ACTR3B: variants seen among roughly 807,000 people sequenced by gnomAD.
The protein encoded by ACTR3B is actin-related protein 3B.
Under a neutral mutation model 59.0 loss-of-function variants are expected in ACTR3B, and 8 were observed. The ratio of observed to expected loss-of-function variants is 0.14; its 90% CI spans 0.08 to 0.24. The LOEUF is 0.24. Ranked by LOEUF, ACTR3B falls within the 10% of genes least tolerant of loss-of-function variation. The pLI, the probability that ACTR3B is intolerant of heterozygous loss-of-function variation, is 1.00. For missense variants in ACTR3B, 245 were observed against 552.3 expected (o/e 0.44, Z 5.58); for synonymous variants, 148 against 197.9 (o/e 0.75, Z 2.12).
chr7:152,854,603 C>A lies in ACTR3B; in HGVS notation c.*50C>A, dbSNP rs558325298. The A allele has an allele frequency of 5.2e-5, 82 of 1,577,752 alleles. 1 individual carries two copies. In the South Asian group the frequency reaches 8.3e-4, roughly 16 times the overall value. Reference sequence around the variant, plus strand: ...TGGTGTCACGTTGGGGAACAAGTGTCCTTCAGAACCCAGAGAAGGCCGCCG... The same window carrying A: ...TGGTGTCACGTTGGGGAACAAGTGTACTTCAGAACCCAGAGAAGGCCGCCG... On this transcript the variant is annotated 3_prime_UTR_variant, in exon 12 of 12. Transcript: ENST00000256001. This position sits in a 1 kb window ranked among gnomAD's most constrained non-coding sequence, Gnocchi z 4.9.
At chr7:152,853,316 A>C (rs1180627672) in intron 10 of ACTR3B, among the ~76,000 whole-genome samples, 178 bp from the exon 11 acceptor site, 1 of 151,816 alleles carries the variant, frequency 6.6e-6, no homozygotes, top group Non-Finnish European at 1.5e-5. Context: ...GGATTCTGGT[A>C]GGTCTTAGGG....
chr7:152,816,249 G>A (rs1472891514), intron 5 of ACTR3B, among the ~76,000 whole-genome samples: 1 of 152,046 alleles, frequency 6.6e-6, no homozygotes, highest in Non-Finnish European at 1.5e-5. Context: ...AGTCAGCCAC[G>A]TTTCTTTATT....
chr7:152,853,431 G>C, intron 10 of ACTR3B, 63 bp from the exon 11 acceptor site: 1 of 1,505,864 alleles, frequency 6.6e-7, no homozygotes, highest in Non-Finnish European at 9.2e-7. Context: ...TCGTCAGCCG[G>C]GGGATGATTA....
chr7:152,780,196 C>G (rs895545035), intron 1 of ACTR3B, among the ~76,000 whole-genome samples: 13 of 151,888 alleles, frequency 8.6e-5, no homozygotes, highest in Admixed American at 7.2e-4. Flanking sequence ...ACTACAAATA[C>G]AAAAATTAGC....
chr7:152,798,006 G>A (rs2098223203), intron 2 of ACTR3B, among the ~76,000 whole-genome samples: 3 of 152,134 alleles, frequency 2.0e-5, no homozygotes, highest in South Asian at 4.1e-4. Context: ...TGGGAGTGCA[G>A]ATAGCTCTTT....
chr7:152,851,564 G>A (rs911579588), intron 9 of ACTR3B, among the ~76,000 whole-genome samples: 3 of 152,224 alleles, frequency 2.0e-5, no homozygotes, highest in Non-Finnish European at 2.9e-5. Flanking sequence ...CGGGACAGGC[G>A]AGTGCTTCCC....
chr7:152,780,329 C>G (rs6951234), intron 1 of ACTR3B, among the ~76,000 whole-genome samples: 106,775 of 143,994 alleles, frequency 0.74, 39,632 homozygotes, highest in East Asian at 0.87. Context: ...CTCTAGCCTG[C>G]TCGAAAGAGC....
rs573400192 is a variant in ACTR3B at position 152,854,666 on chromosome 7, C to T, written c.*113C>T. The stretch of plus-strand genomic sequence containing the variant: ...CGACGTCGGTGTTGCTGCCCAGCAG[C>T]GTGCTTGCATTGCCGGTGCATGAGG... On this transcript the variant is annotated 3_prime_UTR_variant, in exon 12 of 12. Transcript: ENST00000256001. The surrounding 1 kb of genome is among the most constrained non-coding windows in gnomAD (Gnocchi z 4.9). 1.3e-5 allele frequency: 15 copies of T among 1,153,422 alleles called. No individual in the cohort carries two copies. The highest frequency in any genetic ancestry group is 7.5e-5 in the East Asian group (3 of 40,218). The allele number at this position is 1,153,422 out of a possible 1,614,324, so 71.4% of individuals were successfully genotyped here. A position where few individuals can be genotyped will look rare whatever the true frequency, so the allele number is the denominator to read the frequency against.
chr7:152,785,040 TA>T (rs1248235968), intron 2 of ACTR3B, among the ~76,000 whole-genome samples: 6 of 152,074 alleles, frequency 3.9e-5, no homozygotes, highest in Admixed American at 6.6e-5. Flanking sequence ...GCTGAGTTGA[TA>T]AATTGAACTC....
At chr7:152,849,899 A>G (rs1411788959) in intron 9 of ACTR3B, among the ~76,000 whole-genome samples, 1 of 152,224 alleles carries the variant, frequency 6.6e-6, no homozygotes, top group Non-Finnish European at 1.5e-5. Flanking sequence ...GAAAGGCCAG[A>G]TCCCTGGTGG....
At chr7:152,763,313 CAAAAAAAAAAAAAAAA>C (rs925259822) in intron 1 of ACTR3B, among the ~76,000 whole-genome samples, 1 of 20,492 alleles carries the variant, frequency 4.9e-5, no homozygotes, top group Non-Finnish European at 1.0e-4. Flanking sequence ...GACTCCATCT[CAAAAAAAAAAAAAAAA>C]AAAAAAAAAA....
chr7:152,777,905 G>C (rs1159786751), intron 1 of ACTR3B, among the ~76,000 whole-genome samples: 3 of 151,288 alleles, frequency 2.0e-5, no homozygotes, highest in African/African-American at 7.3e-5. Context: ...AGCTGAGATT[G>C]TGCCACTGCA....
chr7:152,787,032 G>A (rs2098177049), intron 2 of ACTR3B, among the ~76,000 whole-genome samples: 1 of 152,050 alleles, frequency 6.6e-6, no homozygotes. Context: ...TTCCTGAGAG[G>A]AAATAATCAG....
intron 1 of ACTR3B, among the ~76,000 whole-genome samples, chr7:152,762,657 T>C (rs903773226): frequency 1.3e-5 from 2 of 152,248 alleles, no homozygotes; most frequent in African/African-American, 4.8e-5. Context: ...ACAGTATGGA[T>C]TCATGTCTTT....
chr7:152,761,781 A>C (rs2098090160), intron 1 of ACTR3B, among the ~76,000 whole-genome samples: 1 of 152,240 alleles, frequency 6.6e-6, no homozygotes, highest in Admixed American at 6.5e-5. Flanking sequence ...AGAGAGCCAA[A>C]ATGATTTTTG....
chr7:152,768,182 C>G (rs2098115529), intron 1 of ACTR3B, among the ~76,000 whole-genome samples: 1 of 152,336 alleles, frequency 6.6e-6, no homozygotes, highest in East Asian at 1.9e-4. Context: ...GAGATTGAGC[C>G]ACTGTACTCC....
intron 1 of ACTR3B, among the ~76,000 whole-genome samples, chr7:152,771,890 A>AC (rs1226895707): frequency 6.6e-6 from 1 of 152,034 alleles, no homozygotes; most frequent in Admixed American, 6.6e-5. Flanking sequence ...ACATGGAGAA[A>AC]CCCCATCTCT....
intron 6 of ACTR3B, among the ~76,000 whole-genome samples, chr7:152,817,971 G>C (rs563891247): frequency 6.6e-6 from 1 of 152,306 alleles, no homozygotes; most frequent in Admixed American, 6.5e-5. Context: ...TCCTGGCTAC[G>C]TGTCCTTCCT....
intron 9 of ACTR3B, among the ~76,000 whole-genome samples, chr7:152,837,020 A>T (rs28440187): frequency 0.15 from 22,131 of 145,004 alleles, no homozygotes; most frequent in African/African-American, 0.31. Context: ...AAGAAAAATT[A>T]AAAAAATTAG....
Sources: gnomAD v4.1 joint callset for allele counts (sites outside exome capture counted in the v4.1 genomes callset) on GRCh38, gnomAD v4.1.1 for gene constraint, Gnocchi (gnomAD v3.1) non-coding constraint, MANE v1.5 for transcripts, NCBI Gene and HGNC (gene_info 2026-07-23, HGNC 2026-07-21) for gene names.